The following TASP1 variants were observed in gnomAD, a reference collection of about 807,000 sequenced individuals.
The protein encoded by TASP1 is threonine aspartase 1.
A neutral mutation model predicts 56.6 loss-of-function variants in TASP1; 16 were observed. The ratio of observed to expected loss-of-function variants is 0.28; its 90% confidence interval spans 0.19 to 0.43. The LOEUF (loss-of-function observed/expected upper bound fraction) is 0.43, where lower values mean the gene tolerates loss of function less well. Among genes scored for constraint, TASP1 ranks in the 20% least tolerant of loss-of-function variants. TASP1 has a pLI of 1.00. For synonymous variants in TASP1, 179 were observed against 184.2 expected (o/e 0.97, Z 0.23); for missense variants, 393 against 511.6 (o/e 0.77, Z 2.24).
chr20:13,610,278 T>A (rs2048306117), intron 4 of TASP1, among the ~76,000 whole-genome samples: 1 of 152,204 alleles, frequency 6.6e-6, no homozygotes, highest in Non-Finnish European at 1.5e-5. Context: ...CACTTCAATT[T>A]AAAAAGGCAG....
the TASP1 span, among the ~76,000 whole-genome samples, chr20:13,115,717 T>C: frequency 7.2e-5 from 11 of 152,154 alleles, no homozygotes; most frequent in Non-Finnish European, 1.5e-4. Flanking sequence ...TTAGGACTCG[T>C]TGCAACCATT....
At chr20:13,148,198 T>C in the TASP1 span, among the ~76,000 whole-genome samples, 2 of 152,232 alleles carry the variant, frequency 1.3e-5, no homozygotes, top group African/African-American at 4.8e-5. Flanking sequence ...ATTAGGCAAC[T>C]GCAAAGCTTT....
At chr20:13,108,046 T>C in the TASP1 span, among the ~76,000 whole-genome samples, 1 of 152,138 alleles carries the variant, frequency 6.6e-6, no homozygotes, top group Non-Finnish European at 1.5e-5. Context: ...CTTATTCATG[T>C]CACATGCTTT....
intron 8 of TASP1, among the ~76,000 whole-genome samples, chr20:13,537,556 C>T (rs572304686): frequency 1.3e-5 from 2 of 152,214 alleles, no homozygotes; most frequent in African/African-American, 4.8e-5. Flanking sequence ...ATGACTGTTA[C>T]TATATAGAGC....
intron 4 of TASP1, among the ~76,000 whole-genome samples, chr20:13,609,474 A>G (rs1317969253): frequency 6.6e-6 from 1 of 152,162 alleles, no homozygotes; most frequent in African/African-American, 2.4e-5. Context: ...ACTCGAGGTC[A>G]GGAGTTCAAA....
chr20:13,367,385 T>C, the TASP1 span, among the ~76,000 whole-genome samples: 1 of 152,234 alleles, frequency 6.6e-6, no homozygotes, highest in East Asian at 1.9e-4. Flanking sequence ...ATCATCATAA[T>C]AGTTGCTCCC....
the TASP1 span, among the ~76,000 whole-genome samples, chr20:13,282,215 C>T: frequency 6.6e-6 from 1 of 152,076 alleles, no homozygotes; most frequent in Non-Finnish European, 1.5e-5. Context: ...GAATATGGGT[C>T]CCAGGCATCG....
chr20:13,448,828 G>C (rs1440559883), intron 11 of TASP1, among the ~76,000 whole-genome samples: 1 of 151,770 alleles, frequency 6.6e-6, no homozygotes, highest in East Asian at 1.9e-4. Flanking sequence ...ATAATTCTCA[G>C]CAACCCTCAG....
chr20:13,550,717 C>A (rs2045955767), intron 8 of TASP1, among the ~76,000 whole-genome samples: 1 of 152,116 alleles, frequency 6.6e-6, no homozygotes, highest in South Asian at 2.1e-4. Context: ...ACTCTTAATA[C>A]TCTAAGAGTC....
At chr20:13,445,354 A>G (rs2043369445) in intron 11 of TASP1, among the ~76,000 whole-genome samples, 1 of 152,240 alleles carries the variant, frequency 6.6e-6, no homozygotes, top group African/African-American at 2.4e-5. Flanking sequence ...AGCTGTCCTC[A>G]AGGAAATAAT....
intron 6 of TASP1, among the ~76,000 whole-genome samples, chr20:13,573,248 G>C (rs1601298519): frequency 6.6e-6 from 1 of 152,236 alleles, no homozygotes; most frequent in East Asian, 1.9e-4. Context: ...AAAATTCATA[G>C]TTTGAAACCT....
chr20:13,497,854 T>A (rs2146616547), intron 10 of TASP1, among the ~76,000 whole-genome samples: 1 of 152,252 alleles, frequency 6.6e-6, no homozygotes, highest in East Asian at 1.9e-4. Context: ...CATCTGACCT[T>A]CAACAAAGCT....
intron 8 of TASP1, among the ~76,000 whole-genome samples, chr20:13,547,446 A>G (rs1207918341): frequency 6.6e-6 from 1 of 152,232 alleles, no homozygotes; most frequent in African/African-American, 2.4e-5. Flanking sequence ...AACTCTCAGC[A>G]AATAAAACTG....
the TASP1 span, among the ~76,000 whole-genome samples, chr20:13,260,320 A>G: frequency 6.6e-6 from 1 of 152,242 alleles, no homozygotes; most frequent in Non-Finnish European, 1.5e-5. Flanking sequence ...ATGAAAGCAC[A>G]AAGGAGAACT....
the TASP1 span, among the ~76,000 whole-genome samples, chr20:13,134,810 A>T: frequency 3.9e-5 from 6 of 152,212 alleles, no homozygotes; most frequent in Non-Finnish European, 5.9e-5. Context: ...AAGAATAAGA[A>T]AAAGCCCGAA....
the TASP1 span, among the ~76,000 whole-genome samples, chr20:13,362,015 A>C: frequency 6.7e-6 from 1 of 149,114 alleles, no homozygotes; most frequent in East Asian, 1.9e-4. Context: ...TCTATACCAC[A>C]AATGTTTCTT....
chr20:13,228,772 G>A, the TASP1 span, among the ~76,000 whole-genome samples: 1 of 152,018 alleles, frequency 6.6e-6, no homozygotes, highest in Non-Finnish European at 1.5e-5. Context: ...TCCTGTTAGA[G>A]ATTGAAACTA....
At chr20:13,119,739 G>C in the TASP1 span, among the ~76,000 whole-genome samples, 1 of 152,138 alleles carries the variant, frequency 6.6e-6, no homozygotes, top group Non-Finnish European at 1.5e-5. Flanking sequence ...GCAGAGATTC[G>C]TTAGCCTACG....
the TASP1 span, among the ~76,000 whole-genome samples, chr20:13,309,158 A>G: frequency 6.6e-6 from 1 of 152,190 alleles, no homozygotes; most frequent in East Asian, 1.9e-4. Context: ...ACACCAACAT[A>G]CATAATAAAA....
Sources: gnomAD v4.1 joint callset for allele counts (sites outside exome capture counted in the v4.1 genomes callset) on GRCh38, gnomAD v4.1.1 for gene constraint, MANE v1.5 for transcripts, NCBI Gene and HGNC (gene_info 2026-07-23, HGNC 2026-07-21) for gene names.